KLF7: variants seen among roughly 807,000 people sequenced by gnomAD.
KLF7 encodes the protein Krueppel-like factor 7.
In KLF7, 2 loss-of-function variants were observed where a neutral mutation model predicts 27.3. The ratio of observed to expected loss-of-function variants is 0.07; its 90% CI spans 0.03 to 0.23. KLF7 has a LOEUF of 0.23. KLF7 is among the 10% of genes least tolerant of loss of function. KLF7 has a pLI of 1.00. For synonymous variants in KLF7, 165 were observed against 162.4 expected (o/e 1.02, Z -0.12); for missense variants, 221 against 394.1 (o/e 0.56, Z 3.72).
upstream of KLF7, among the ~76,000 whole-genome samples, chr2:207,167,719 A>T (rs2078750748): frequency 6.6e-6 from 1 of 152,174 alleles, no homozygotes; most frequent in African/African-American, 2.4e-5. Flanking sequence ...GGACGCTGCC[A>T]GCTAACTAGC....
At position 207,077,925 on chromosome 2, in the gene KLF7, C is replaced by T. The variant is rs2076205874; in HGVS notation, c.*3288G>A. On this transcript the variant is annotated 3_prime_UTR_variant, in exon 4 of 4. Coordinates refer to ENST00000309446, the MANE Select transcript of KLF7 (RefSeq NM_003709.4). ...TTTTTCCTTTCAAATTTGGGATCCCCTGGAGGGTTAGGAGGTAACAACTGA... is the reference window on the plus strand; with the variant it reads ...TTTTTCCTTTCAAATTTGGGATCCCTTGGAGGGTTAGGAGGTAACAACTGA... 6.6e-6 allele frequency: 1 copy of T among 152,168 alleles called. No homozygotes were observed. The highest frequency in any genetic ancestry group is 2.4e-5 in the African/African-American group (1 of 41,428). 9.4% of individuals were successfully genotyped at this position (152,168 alleles called of 1,614,324 possible). A position where few individuals can be genotyped will look rare whatever the true frequency, so the allele number is the denominator to read the frequency against.
Position 207,078,024 on chromosome 2 carries a change from A to T in KLF7, c.*3189T>A, listed in dbSNP as rs1023376278. ...TTAAATAACCAGTCCTCTTGGGAGC[A>T]AAATGTCTTCAGGTTACTTCTTGGA... is the stretch of plus-strand genomic sequence containing the variant. On this transcript the variant is annotated 3_prime_UTR_variant, in exon 4 of 4. Transcript: ENST00000309446. 1.3e-5 allele frequency: 2 copies of T among 152,226 alleles called. No homozygotes were observed. Among genetic ancestry groups the T allele is most frequent in the Non-Finnish European group, 2.9e-5 (2 of 68,042 alleles). 9.4% of individuals were successfully genotyped at this position (152,226 alleles called of 1,614,324 possible). A position where few individuals can be genotyped will look rare whatever the true frequency, so the allele number is the denominator to read the frequency against.
In KLF7 at chr2:207,090,434, G is replaced by C. The variant is rs16839150; in HGVS notation, c.734-1853C>G. On this transcript the variant is annotated intron_variant, in intron 2 of 3. Transcript: ENST00000309446. ...AACTCAGTGTATTTGTCTGTTAAAC[G>C]AGGGTGAGCTTATTAATAAATCCAT... 3.9e-5 allele frequency among the ~76,000 whole-genome samples: 6 copies of C among 152,258 alleles called. No homozygotes were observed. The East Asian group carries it at 1.2e-3, about 29-fold the overall frequency.
At chr2:207,122,584 G>A (rs929299438) in intron 2 of KLF7, among the ~76,000 whole-genome samples, 1 of 152,140 alleles carries the variant, frequency 6.6e-6, no homozygotes, top group Non-Finnish European at 1.5e-5. Flanking sequence ...TGAGGTAAAG[G>A]AACAGGCTCA....
intron 1 of KLF7, among the ~76,000 whole-genome samples, chr2:207,126,432 T>C (rs2077477971): frequency 6.6e-6 from 1 of 152,200 alleles, no homozygotes; most frequent in Admixed American, 6.5e-5. Context: ...ATTCTACCTC[T>C]TCTACTCTTC....
chr2:207,150,954 T>TTTGCCTG (rs2078225416), intron 1 of KLF7, among the ~76,000 whole-genome samples: 1 of 136,890 alleles, frequency 7.3e-6, no homozygotes, highest in South Asian at 2.3e-4. Flanking sequence ...CAACTGGAGG[T>TTTGCCTG]TTGCCTGTCA....
intron 2 of KLF7, among the ~76,000 whole-genome samples, chr2:207,097,514 G>C (rs1242029356): frequency 6.6e-6 from 1 of 152,176 alleles, no homozygotes; most frequent in Non-Finnish European, 1.5e-5. Flanking sequence ...TTCTCTATAA[G>C]ACTCAAACTG....
At position 207,165,928 on chromosome 2, in the gene KLF7, A is replaced by G. The variant is rs1391823710; in HGVS notation, c.-360T>C. On this transcript the variant is annotated 5_prime_UTR_variant, in exon 1 of 4. The change abolishes an upstream ATG in the 5' untranslated region. Coordinates refer to ENST00000309446, the MANE Select transcript of KLF7 (RefSeq NM_003709.4). ...GCAAACTCACTGACACGAAGCTGCC[A>G]TCTATTTCTGCAGCGCTGTTCGCTC... The G allele has an allele frequency of 2.8e-6, 3 of 1,088,088 alleles. No homozygotes were observed. Among genetic ancestry groups the G allele is most frequent in the Non-Finnish European group, 3.4e-6 (3 of 892,070 alleles). 67.4% of individuals were successfully genotyped at this position (1,088,088 alleles called of 1,614,324 possible). A position where few individuals can be genotyped will look rare whatever the true frequency, so the allele number is the denominator to read the frequency against.
intron 3 of KLF7, among the ~76,000 whole-genome samples, chr2:207,087,959 T>C (rs1464207855): frequency 6.6e-6 from 1 of 152,190 alleles, no homozygotes; most frequent in Non-Finnish European, 1.5e-5. Context: ...CCCCAAAGAA[T>C]GGGAACTCTG....
chr2:207,156,485 C>T (rs2078387185), intron 1 of KLF7, among the ~76,000 whole-genome samples: 1 of 152,220 alleles, frequency 6.6e-6, no homozygotes, highest in African/African-American at 2.4e-5. Context: ...GATGTACATG[C>T]ATGCATCCAG....
rs1166208454 is a variant in KLF7 at position 207,075,469 on chromosome 2, T to G, written c.*5744A>C. On this transcript the variant is annotated 3_prime_UTR_variant, in exon 4 of 4. Transcript: ENST00000309446. ...ATACCAGAGAAGGCCTGAGAGAATG[T>G]GACGGGGGGAGGCGGGGAAGGAGAC... is the stretch of plus-strand genomic sequence containing the variant. The G allele has an allele frequency of 1.3e-5, 2 of 151,834 alleles. No homozygotes were observed. The highest frequency in any genetic ancestry group is 4.8e-5 in the African/African-American group (2 of 41,322). 9.4% of individuals were successfully genotyped at this position (151,834 alleles called of 1,614,324 possible).
intron 1 of KLF7, among the ~76,000 whole-genome samples, chr2:207,130,090 A>G (rs2077583207): frequency 6.6e-6 from 1 of 152,158 alleles, no homozygotes; most frequent in South Asian, 2.1e-4. Context: ...GATTGCACAC[A>G]TCTCCTGTCA....
At chr2:207,123,693 A>G in intron 2 of KLF7, 81 bp downstream of exon 2, 1 of 1,470,908 alleles carries the variant, frequency 6.8e-7, no homozygotes, top group Non-Finnish European at 9.2e-7. Context: ...GCCACTCCTC[A>G]GAACAAAGAG....
At chr2:207,167,785 CAG>C (rs1047453655), upstream of KLF7, among the ~76,000 whole-genome samples, 11 of 152,292 alleles carry the variant, frequency 7.2e-5, no homozygotes, top group African/African-American at 2.6e-4. Context: ...ATCTCAGAAA[CAG>C]AAATAGTGGG....
chr2:207,167,770 T>C (rs2078751539), upstream of KLF7, among the ~76,000 whole-genome samples: 1 of 152,218 alleles, frequency 6.6e-6, no homozygotes, highest in Non-Finnish European at 1.5e-5. Context: ...AACTTGTATC[T>C]ACCCATCTCA....
chr2:207,085,954 T>C (rs1288129896), intron 3 of KLF7, among the ~76,000 whole-genome samples: 1 of 151,228 alleles, frequency 6.6e-6, no homozygotes, highest in Non-Finnish European at 1.5e-5. Context: ...ACAAACTTTT[T>C]TGTGTGACAT....
At chr2:207,150,458 A>G (rs1246955150) in intron 1 of KLF7, among the ~76,000 whole-genome samples, 1 of 152,150 alleles carries the variant, frequency 6.6e-6, no homozygotes, top group African/African-American at 2.4e-5. Context: ...AAGAGGAAGA[A>G]AGCCAACAAG....
At chr2:207,092,377 C>T (rs2076532012) in intron 2 of KLF7, among the ~76,000 whole-genome samples, 1 of 152,234 alleles carries the variant, frequency 6.6e-6, no homozygotes, top group African/African-American at 2.4e-5. Flanking sequence ...ATGCTGGAGG[C>T]AGAGGACACC....
chr2:207,147,612 A>T (rs1405061437), intron 1 of KLF7, among the ~76,000 whole-genome samples: 1 of 151,106 alleles, frequency 6.6e-6, no homozygotes, highest in African/African-American at 2.4e-5. Flanking sequence ...TCTATCCCCC[A>T]CTCCACCCTC....
Sources: gnomAD v4.1 joint callset for allele counts (sites outside exome capture counted in the v4.1 genomes callset) on GRCh38, gnomAD v4.1.1 for gene constraint, MANE v1.5 for transcripts, NCBI Gene and HGNC (gene_info 2026-07-23, HGNC 2026-07-21) for gene names.